LPA: variants seen among roughly 807,000 people sequenced by gnomAD.
LPA encodes the protein lipoprotein(a).
In LPA, 199 loss-of-function variants were observed where a neutral mutation model predicts 197.9. The ratio of observed to expected loss-of-function variants is 1.01; its 90% CI spans 0.90 to 1.13. The LOEUF is 1.13. Among genes scored for constraint, LPA ranks in the 50% most tolerant of loss-of-function variants. The pLI, the probability that LPA is intolerant of heterozygous loss-of-function variation, is 0.00. For missense variants in LPA, 1,853 were observed against 1,785.8 expected (o/e 1.04, Z -0.68); for synonymous variants, 715 against 639.5 (o/e 1.12, Z -1.78).
intron 28 of LPA, among the ~76,000 whole-genome samples, chr6:160,567,282 A>G (rs978983231): frequency 6.6e-6 from 1 of 152,252 alleles, no homozygotes; most frequent in Non-Finnish European, 1.5e-5. Context: ...AACAGAAATT[A>G]TAACAAACTG....
intron 20 of LPA, among the ~76,000 whole-genome samples, chr6:160,595,989 A>G (rs1467368189): frequency 6.6e-6 from 1 of 152,226 alleles, no homozygotes; most frequent in Non-Finnish European, 1.5e-5. Flanking sequence ...TTATGCACAT[A>G]CAAATATTTC....
At chr6:160,540,824 C>T (rs929598503) in intron 35 of LPA, among the ~76,000 whole-genome samples, 5 of 152,190 alleles carry the variant, frequency 3.3e-5, no homozygotes, top group Non-Finnish European at 7.3e-5. Flanking sequence ...TGGTAGTGAA[C>T]AGCTCTGTCC....
intron 28 of LPA, among the ~76,000 whole-genome samples, chr6:160,576,682 G>GTATA (rs1173432219): frequency 1.8e-3 from 169 of 94,882 alleles, no homozygotes; most frequent in African/African-American, 6.7e-3. Flanking sequence ...GTGTGTGTGT[G>GTATA]TGTGTGTGTA....
chr6:160,590,178 T>G (rs539693931), intron 23 of LPA, among the ~76,000 whole-genome samples: 1 of 152,174 alleles, frequency 6.6e-6, no homozygotes, highest in Non-Finnish European at 1.5e-5. Context: ...GAAGTGGTCC[T>G]CCATCTAGGA....
chr6:160,593,830 T>G, intron 22 of LPA, 128 bp downstream of exon 22: 1 of 1,194,642 alleles, frequency 8.4e-7, no homozygotes, highest in Non-Finnish European at 1.2e-6. Flanking sequence ...GAAAGAAGCC[T>G]GAGACATTCT....
At chr6:160,546,000 A>G (rs1032286084) in intron 32 of LPA, among the ~76,000 whole-genome samples, 1 of 152,188 alleles carries the variant, frequency 6.6e-6, no homozygotes, top group African/African-American at 2.4e-5. Flanking sequence ...GCTTCCTGTG[A>G]TATTGTGATA....
intron 28 of LPA, among the ~76,000 whole-genome samples, chr6:160,563,162 G>T (rs920340038): frequency 6.6e-6 from 1 of 152,116 alleles, no homozygotes; most frequent in Non-Finnish European, 1.5e-5. Flanking sequence ...TGATGTTAGG[G>T]TGTTGATTTT....
rs1780272243 is a variant in LPA, at chr6:160,664,227, C to G, written c.-13G>C. The G allele has an allele frequency of 1.0e-5, 16 of 1,605,626 alleles. No individual in the cohort carries two copies. Among genetic ancestry groups the G allele is most frequent in the Non-Finnish European group, 1.3e-5 (15 of 1,177,820 alleles). On this transcript the variant is annotated 5_prime_UTR_variant, in exon 1 of 39. Transcript: ENST00000316300. ...CCTTATGTTCCATTTTGGGACTGGC[C>G]AGCAGTGCCCAGAAAGTGTGTCCCA...
chr6:160,646,909 C>G (rs1205985404), intron 2 of LPA, among the ~76,000 whole-genome samples: 1 of 151,706 alleles, frequency 6.6e-6, no homozygotes, highest in Non-Finnish European at 1.5e-5. Context: ...TCCAGGTCAA[C>G]TCTCACACTC....
chr6:160,594,177 G>C, intron 21 of LPA, 60 bp from the exon 22 acceptor site: 2 of 1,596,782 alleles, frequency 1.3e-6, no homozygotes, highest in Non-Finnish European at 1.7e-6. Flanking sequence ...AGCATCAGAA[G>C]AAATCTGTGA....
intron 28 of LPA, among the ~76,000 whole-genome samples, chr6:160,572,456 GT>G (rs1263625422): frequency 1.3e-5 from 2 of 152,184 alleles, no homozygotes; most frequent in East Asian, 3.9e-4. Flanking sequence ...CTTTGGTTTT[GT>G]TTTTTGTTTT....
chr6:160,608,930 T>C (rs1779419994), intron 16 of LPA, among the ~76,000 whole-genome samples: 1 of 151,950 alleles, frequency 6.6e-6, no homozygotes. Context: ...GATTTTTGGT[T>C]AGTTTCCTAT....
At chr6:160,586,718 G>A (rs982024401) in intron 24 of LPA, 88 bp from the exon 25 acceptor site, 14 of 1,577,120 alleles carry the variant, frequency 8.9e-6, no homozygotes, top group African/African-American at 1.4e-5. Context: ...GTAACAAAGT[G>A]TAAACAAGCA....
At chr6:160,610,430 C>G (rs1020997257) in intron 16 of LPA, among the ~76,000 whole-genome samples, 1 of 152,112 alleles carries the variant, frequency 6.6e-6, no homozygotes, top group African/African-American at 2.4e-5. Context: ...GCAATGTGTT[C>G]CGTGAGCACT....
rs772867703 is a variant in LPA at position 160,650,634 on chromosome 6, G to A, written c.50-137C>T. 7.9e-5 allele frequency: 63 copies of A among 794,538 alleles called. 1 individual carries two copies. The highest frequency in any genetic ancestry group is 5.5e-4 in the Middle Eastern group (2 of 3,646). 49.2% of individuals were successfully genotyped at this position (794,538 alleles called of 1,614,324 possible). A position where few individuals can be genotyped will look rare whatever the true frequency, so the allele number is the denominator to read the frequency against. ...TCTCTTGATTAGCAGGCAGACAGAC[G>A]TGCAAAAAACCAAAGGAATAGATTC... On this transcript the variant is annotated intron_variant, in intron 1 of 38. Transcript: ENST00000316300.
In LPA at chr6:160,589,589, T is replaced by G; in HGVS notation, c.3911A>C (p.His1304Pro). ...GTATTCTGTGGTTCTCTGATGCCAG[T>G]GTGGTGTCATAGAGGACCAAGACTG... is the stretch of plus-strand genomic sequence containing the variant. Reference protein sequence around the residue: ...TCQSWSSMTPHWHQRTTEYYP... With the variant: ...TCQSWSSMTPPWHQRTTEYYP... Residue 1304 changes from histidine (H) to proline (P), a missense_variant, in exon 24 of 39, where the codon CAC (histidine) becomes CCC (proline). Coordinates refer to ENST00000316300, the MANE Select transcript of LPA (RefSeq NM_005577.4). 6.2e-7 allele frequency: 1 copy of G among 1,613,894 alleles called. No homozygotes were observed.
chr6:160,590,292 A>T (rs902550524), intron 23 of LPA, among the ~76,000 whole-genome samples: 1 of 152,182 alleles, frequency 6.6e-6, no homozygotes, highest in African/African-American at 2.4e-5. Context: ...CTGCATTGCA[A>T]CAAAGTAGAC....
intron 17 of LPA, among the ~76,000 whole-genome samples, chr6:160,605,853 C>T (rs566914760): frequency 2.6e-5 from 4 of 152,218 alleles, no homozygotes; most frequent in African/African-American, 7.2e-5. Context: ...CAGAAGTCTC[C>T]GACTCTTTCT....
chr6:160,662,551 G>C (rs1780244465), intron 1 of LPA, among the ~76,000 whole-genome samples: 1 of 152,172 alleles, frequency 6.6e-6, no homozygotes, highest in South Asian at 2.1e-4. Context: ...CTGTGGCAGA[G>C]AAGTTTGTTC....
Sources: gnomAD v4.1 joint callset for allele counts (sites outside exome capture counted in the v4.1 genomes callset) on GRCh38, gnomAD v4.1.1 for gene constraint, MANE v1.5 for transcripts, NCBI Gene and HGNC (gene_info 2026-07-23, HGNC 2026-07-21) for gene names.